The following GLMN variants were observed in gnomAD, a reference collection of about 807,000 sequenced individuals.
The protein encoded by GLMN is glomulin.
Under a neutral mutation model 87.8 loss-of-function variants are expected in GLMN, and 75 were observed. The observed-to-expected ratio is 0.85, with a 90% CI of 0.71 to 1.04. The LOEUF (loss-of-function observed/expected upper bound fraction) is 1.04, where lower values mean the gene tolerates loss of function less well. Among genes scored for constraint, GLMN ranks in the 50% least tolerant of loss-of-function variants. The pLI is 0.00. For synonymous variants in GLMN, 206 were observed against 221.6 expected (o/e 0.93, Z 0.63); for missense variants, 588 against 658.8 (o/e 0.89, Z 1.18).
chr1:92,333,212 G>C, the GLMN span: 7 of 559,820 alleles, frequency 1.3e-5, no homozygotes, highest in Non-Finnish European at 2.2e-5. Context: ...ACTCAAAGAA[G>C]TTCACAACAG....
chr1:92,334,260 T>G, the GLMN span, among the ~76,000 whole-genome samples: 1 of 152,146 alleles, frequency 6.6e-6, no homozygotes, highest in African/African-American at 2.4e-5. Flanking sequence ...GTATAGGAGT[T>G]TTTTGTTGTT....
At chr1:92,306,910 G>T in the GLMN span, among the ~76,000 whole-genome samples, 1 of 152,076 alleles carries the variant, frequency 6.6e-6, no homozygotes, top group Non-Finnish European at 1.5e-5. Context: ...TTTTTAATAG[G>T]GATATGTACA....
the GLMN span, among the ~76,000 whole-genome samples, chr1:92,308,573 C>G: frequency 6.6e-6 from 1 of 152,136 alleles, no homozygotes; most frequent in African/African-American, 2.4e-5. Context: ...TCATATCTAC[C>G]TCAACTGCTT....
At chr1:92,346,937 C>G in the GLMN span, among the ~76,000 whole-genome samples, 1 of 152,168 alleles carries the variant, frequency 6.6e-6, no homozygotes, top group South Asian at 2.1e-4. Context: ...ACCAGACACT[C>G]ACAGGTCAAA....
chr1:92,351,736 A>T, the GLMN span, among the ~76,000 whole-genome samples: 43 of 152,300 alleles, frequency 2.8e-4, no homozygotes, highest in Non-Finnish European at 5.1e-4. Context: ...ATAGAAGGCT[A>T]TCGAGAAGCA....
chr1:92,318,550 C>G, the GLMN span, among the ~76,000 whole-genome samples: 1 of 152,152 alleles, frequency 6.6e-6, no homozygotes, highest in Non-Finnish European at 1.5e-5. Context: ...GAATCGACCA[C>G]CAACCATAGT....
the GLMN span, among the ~76,000 whole-genome samples, chr1:92,357,845 C>A: frequency 6.6e-6 from 1 of 152,334 alleles, no homozygotes; most frequent in East Asian, 1.9e-4. Context: ...GAGATAAATT[C>A]TTTAATGGCA....
At chr1:92,273,358 G>T (rs747904252) in intron 7 of GLMN, among the ~76,000 whole-genome samples, 22 of 151,532 alleles carry the variant, frequency 1.5e-4, no homozygotes, top group Non-Finnish European at 3.1e-4. Context: ...ATTGCACTCT[G>T]ATTCCAAATG....
At position 92,246,421 on chromosome 1, in the gene GLMN, T is replaced by G. The variant is rs1652674023; in HGVS notation, c.*109A>C. The G allele has an allele frequency of 1.1e-5, 7 of 650,638 alleles. No individual in the cohort carries two copies. Among genetic ancestry groups the G allele is most frequent in the Non-Finnish European group, 1.9e-5 (7 of 362,478 alleles). 40.3% of individuals were successfully genotyped at this position (650,638 alleles called of 1,614,324 possible). A position where few individuals can be genotyped will look rare whatever the true frequency, so the allele number is the denominator to read the frequency against. ...AATTGATAAATGAGAAAAGCTACAT[T>G]TATTTTTCAAGCAGTAAATTTTTAC... is the stretch of plus-strand genomic sequence containing the variant. On this transcript the variant is annotated 3_prime_UTR_variant, in exon 19 of 19. Transcript: ENST00000370360.
chr1:92,361,499 A>G, the GLMN span, among the ~76,000 whole-genome samples: 1 of 152,158 alleles, frequency 6.6e-6, no homozygotes, highest in African/African-American at 2.4e-5. Flanking sequence ...ATTGCACGTG[A>G]AAAAACAAAA....
chr1:92,329,053 G>C, the GLMN span, among the ~76,000 whole-genome samples: 1 of 152,184 alleles, frequency 6.6e-6, no homozygotes, highest in Non-Finnish European at 1.5e-5. Context: ...GGAGTGAAGT[G>C]GACTCTGTGA....
intron 7 of GLMN, among the ~76,000 whole-genome samples, chr1:92,275,033 C>T (rs546809747): frequency 6.6e-6 from 1 of 152,320 alleles, no homozygotes; most frequent in South Asian, 2.1e-4. Context: ...TCTGCTTCTA[C>T]ACACAGGGAG....
chr1:92,293,626 A>C (rs1195525753), intron 3 of GLMN, among the ~76,000 whole-genome samples: 1 of 152,178 alleles, frequency 6.6e-6, no homozygotes, highest in East Asian at 1.9e-4. Flanking sequence ...AAAAGAAAGG[A>C]TATCACTATA....
chr1:92,271,104 A>G (rs1656191831), intron 8 of GLMN, among the ~76,000 whole-genome samples: 1 of 152,200 alleles, frequency 6.6e-6, no homozygotes, highest in African/African-American at 2.4e-5. Context: ...AAAGGAAGTA[A>G]AAGTAGATAT....
Position 92,297,988 on chromosome 1 carries a change from C to G in GLMN, c.12G>C (p.Glu4Asp). The G allele has an allele frequency of 6.7e-7, 1 of 1,496,208 alleles. No individual in the cohort carries two copies. The highest frequency in any genetic ancestry group is 1.1e-5 in the South Asian group (1 of 88,436). 92.7% of individuals were successfully genotyped at this position (1,496,208 alleles called of 1,614,324 possible). A position where few individuals can be genotyped will look rare whatever the true frequency, so the allele number is the denominator to read the frequency against. The change falls in exon 2 of 19, where the codon GAG becomes GAC. Residue 4 changes from glutamate to aspartate, a missense_variant. By Grantham distance (45) the Glu-to-Asp change is conservative. Transcript: ENST00000370360. The stretch of plus-strand genomic sequence containing the variant: ...ATCTCTTTATTATAGACTGAAGTTC[C>G]TCTACAGCCATTCTTATTTCTCCTA... Reference protein sequence around the residue: MAVEELQSIIKRCQ... With the variant: MAVDELQSIIKRCQ...
the GLMN span, chr1:92,346,023 C>T: frequency 1.5e-6 from 1 of 689,180 alleles, no homozygotes; most frequent in South Asian, 2.1e-5. Context: ...AAATATCATA[C>T]CTCTATTTTG....
chr1:92,249,882 G>A (rs529931187), intron 16 of GLMN, among the ~76,000 whole-genome samples: 150 of 152,120 alleles, frequency 9.9e-4, no homozygotes, highest in Middle Eastern at 3.4e-3. Context: ...CTGTCTTTCT[G>A]GGCCTGGCAT....
chr1:92,322,107 G>C, the GLMN span, among the ~76,000 whole-genome samples: 1 of 150,474 alleles, frequency 6.6e-6, no homozygotes, highest in East Asian at 2.0e-4. Context: ...CACCACTCCT[G>C]GCTAATTTTT....
At chr1:92,370,007 C>T in the GLMN span, among the ~76,000 whole-genome samples, 1 of 152,190 alleles carries the variant, frequency 6.6e-6, no homozygotes, top group East Asian at 1.9e-4. Flanking sequence ...GCCTCATCCT[C>T]CCAAGTAGCT....
Sources: allele counts gnomAD v4.1 joint callset (sites outside exome capture counted in the v4.1 genomes callset), GRCh38; gene constraint gnomAD v4.1.1; transcripts MANE v1.5; gene names NCBI Gene and HGNC (gene_info 2026-07-23, HGNC 2026-07-21).